The following CD99 variants were observed in gnomAD, a reference collection of about 807,000 sequenced individuals.
CD99 encodes the protein CD99 molecule (Xg blood group), also known as CD99 antigen.
Under a neutral mutation model 28.4 loss-of-function variants are expected in CD99, and 19 were observed. The observed-to-expected ratio is 0.67, with a 90% CI of 0.47 to 0.98. CD99 has a LOEUF of 0.98. CD99 is among the 50% of genes least tolerant of loss of function. The pLI, the probability that CD99 is intolerant of heterozygous loss-of-function variation, is 0.00. For synonymous variants in CD99, 103 were observed against 92.1 expected (o/e 1.12, Z -0.67); for missense variants, 283 against 248.8 (o/e 1.14, Z -0.92).
At chrX:2,737,227 G>C (rs1045417481) in intron 8 of CD99, among the ~76,000 whole-genome samples, 1 of 152,112 alleles carries the variant, frequency 6.6e-6, no homozygotes, top group Non-Finnish European at 1.5e-5. Context: ...ACCCACGCTG[G>C]AGTGCAGTGC....
At chrX:2,719,588 A>G in intron 3 of CD99, 73 bp from the exon 4 acceptor site, 3 of 1,234,870 alleles carry the variant, frequency 2.4e-6, no homozygotes, top group Non-Finnish European at 1.2e-6. Flanking sequence ...TGTGTTTTTG[A>G]TCTGTTCACG....
Position 2,723,337 on chromosome X carries a change from G to C in CD99, c.334G>C (p.Gly112Arg). ...GEGKGGSDGG[G>R]SHRKEGEEAD... Reference sequence around the variant, plus strand: ...AGGAAAAGGAGGCAGTGATGGTGGAGGCAGCCACAGGAAAGAAGGGGAAGA... The same window carrying C: ...AGGAAAAGGAGGCAGTGATGGTGGACGCAGCCACAGGAAAGAAGGGGAAGA... Residue 112 changes from glycine (G) to arginine (R), a missense_variant, in exon 7 of 10, where the codon GGC (glycine) becomes CGC (arginine). By Grantham distance (125) the Gly-to-Arg change is moderately radical (BLOSUM62 -2). Coordinates refer to ENST00000381192, the MANE Select transcript of CD99 (RefSeq NM_002414.5). 1 of 1,613,962 alleles carries C rather than the reference G, an allele frequency of 6.2e-7. No homozygotes were observed. The highest frequency in any genetic ancestry group is 8.5e-7 in the Non-Finnish European group (1 of 1,179,868).
intron 1 of CD99, among the ~76,000 whole-genome samples, chrX:2,692,803 A>G (rs759027302): frequency 9.2e-5 from 14 of 152,256 alleles, no homozygotes; most frequent in African/African-American, 3.1e-4. Context: ...TTCATCCTTC[A>G]TGCCTGCCTT....
chrX:2,719,913 TAC>T (rs2048914673), intron 4 of CD99, among the ~76,000 whole-genome samples: 1 of 152,210 alleles, frequency 6.6e-6, no homozygotes, highest in Non-Finnish European at 1.5e-5. Flanking sequence ...TTAAAACTCT[TAC>T]AGTCTTTGGA....
chrX:2,713,643 G>A (rs1204373537), intron 1 of CD99, among the ~76,000 whole-genome samples: 1 of 152,172 alleles, frequency 6.6e-6, no homozygotes, highest in African/African-American at 2.4e-5. Flanking sequence ...CACACTTCCG[G>A]TGTTCACAGG....
intron 1 of CD99, among the ~76,000 whole-genome samples, chrX:2,714,116 T>A (rs1813282576): frequency 2.0e-5 from 3 of 152,216 alleles, no homozygotes; most frequent in Admixed American, 6.5e-5. Flanking sequence ...AAAATTGTTA[T>A]TCATCTGTTT....
chrX:2,722,758 C>A (rs970539195), intron 6 of CD99, 84 bp downstream of exon 6: 1 of 1,312,770 alleles, frequency 7.6e-7, no homozygotes, highest in Non-Finnish European at 1.1e-6. Context: ...AGGGTCTAAA[C>A]TGTCAGCTCT....
intron 8 of CD99, among the ~76,000 whole-genome samples, chrX:2,735,081 T>C (rs1254509889): frequency 1.3e-5 from 2 of 152,166 alleles, no homozygotes; most frequent in Admixed American, 1.3e-4. Flanking sequence ...CTGCCCCCCA[T>C]TGACCACAGG....
chrX:2,723,862 G>A (rs2049130039), intron 7 of CD99, among the ~76,000 whole-genome samples: 3 of 151,714 alleles, frequency 2.0e-5, no homozygotes, highest in Admixed American at 6.6e-5. Flanking sequence ...CCCTTAGATG[G>A]GACAAGAAAA....
intron 1 of CD99, among the ~76,000 whole-genome samples, chrX:2,697,176 T>C (rs779105424): frequency 2.5e-4 from 38 of 152,084 alleles, no homozygotes; most frequent in South Asian, 1.3e-3. Flanking sequence ...GGCTGAGATA[T>C]AATATATGTT....
intron 1 of CD99, among the ~76,000 whole-genome samples, chrX:2,711,032 G>A (rs778915823): frequency 4.1e-4 from 61 of 150,536 alleles, no homozygotes; most frequent in African/African-American, 1.4e-3. Flanking sequence ...CACCACGCCT[G>A]GCCAATTTTT....
At chrX:2,715,939 A>G (rs311074) in intron 2 of CD99, among the ~76,000 whole-genome samples, 53,209 of 151,890 alleles carry the variant, frequency 0.35, 9,810 homozygotes, top group East Asian at 0.49. Flanking sequence ...CCCTGTTTCC[A>G]AGTAAGATCA....
chrX:2,692,002 G>A, intron 1 of CD99: 1 of 735,496 alleles, frequency 1.4e-6, no homozygotes, highest in Non-Finnish European at 2.5e-6. Flanking sequence ...TTCAGCGCGT[G>A]CTGTGCGCCA....
rs201237930 is a variant in CD99, at chrX:2,741,118, A to ACC, written c.*320_*321dup. 1.5e-4 allele frequency: 59 copies of ACC among 390,386 alleles called. No individual in the cohort carries two copies. The highest frequency in any genetic ancestry group is 7.0e-4 in the African/African-American group (34 of 48,892). 24.2% of individuals were successfully genotyped at this position (390,386 alleles called of 1,614,324 possible). On this transcript the variant is annotated 3_prime_UTR_variant, in exon 10 of 10. Coordinates refer to ENST00000381192, the MANE Select transcript of CD99 (RefSeq NM_002414.5). Reference sequence around the variant, plus strand: ...ACTCAAATGTCAACCCCACCGAGGCACCCCCCCGTCCCCCAGAATCTTGGC... The same window carrying ACC: ...ACTCAAATGTCAACCCCACCGAGGCACCCCCCCCCGTCCCCCAGAATCTTGGC...
chrX:2,709,711 C>CATGCATGTACATAGACACACACAT, intron 1 of CD99, among the ~76,000 whole-genome samples: 1 of 152,232 alleles, frequency 6.6e-6, no homozygotes, highest in South Asian at 2.1e-4. Flanking sequence ...TAGACACACA[C>CATGCATGTACATAGACACACACAT]ATGCATGTAC....
chrX:2,733,408 G>A (rs756966183), intron 8 of CD99: 39 of 1,581,108 alleles, frequency 2.5e-5, no homozygotes, highest in Admixed American at 3.6e-5. Context: ...CCTGCGGAGC[G>A]TCCTGACCGT....
intron 7 of CD99, among the ~76,000 whole-genome samples, chrX:2,724,164 T>A (rs1156410084): frequency 6.6e-6 from 1 of 152,164 alleles, no homozygotes; most frequent in African/African-American, 2.4e-5. Context: ...GGTCATTTTT[T>A]AAAAAATAGC....
chrX:2,691,642 C>T, intron 1 of CD99: 3 of 712,744 alleles, frequency 4.2e-6, no homozygotes, highest in Middle Eastern at 2.3e-4. Flanking sequence ...AGAGAAAAGT[C>T]AGCGTTTGTT....
intron 1 of CD99, among the ~76,000 whole-genome samples, chrX:2,703,600 T>C (rs1432905242): frequency 7.3e-6 from 1 of 136,616 alleles, no homozygotes; most frequent in Non-Finnish European, 1.5e-5. Flanking sequence ...CAAACCGAGC[T>C]GTTAAGTGTG....
Sources: allele counts gnomAD v4.1 joint callset (sites outside exome capture counted in the v4.1 genomes callset), GRCh38; gene constraint gnomAD v4.1.1; transcripts MANE v1.5; gene names NCBI Gene and HGNC (gene_info 2026-07-23, HGNC 2026-07-21).